ZC3H12B: variants seen among roughly 807,000 people sequenced by gnomAD.
ZC3H12B encodes zinc finger CCCH-type containing 12B.
Under a neutral mutation model 43.9 loss-of-function variants are expected in ZC3H12B, and 7 were observed. That is an observed-to-expected ratio of 0.16 (90% confidence interval 0.09 to 0.30). The LOEUF is 0.30. ZC3H12B is among the 10% of genes least tolerant of loss of function. The pLI, the probability that ZC3H12B is intolerant of heterozygous loss-of-function variation, is 1.00. For missense variants in ZC3H12B, 475 were observed against 670.2 expected (o/e 0.71, Z 3.22); for synonymous variants, 222 against 241.7 (o/e 0.92, Z 0.76).
At chrX:65,211,963 T>C in the ZC3H12B span, among the ~76,000 whole-genome samples, 2 of 71,276 alleles carry the variant, frequency 2.8e-5, no homozygotes, top group Non-Finnish European at 4.7e-5. Context: ...ATATATAATA[T>C]ATGTTATGTA....
At position 65,456,315 on chromosome X, in the gene ZC3H12B, C is replaced by G. The variant is rs1455652696; in HGVS notation, n.408-32331C>G. On this transcript the variant is annotated intron_variant and non_coding_transcript_variant, in intron 3 of 5. Coordinates refer to the ZC3H12B transcript ENST00000617377. ...AAGCAAATGGAAAACAAAAAAAAGG[C>G]AGGGGTTGCAATCCTAGTCTGATAA... is the stretch of plus-strand genomic sequence containing the variant. Among the ~76,000 whole-genome samples the G allele has an allele frequency of 3.7e-5, 4 of 109,432 alleles. No homozygotes were observed. In the South Asian group the frequency reaches 1.6e-3, roughly 44 times the overall value.
At chrX:65,055,098 G>A in the ZC3H12B span, among the ~76,000 whole-genome samples, 1 of 110,634 alleles carries the variant, frequency 9.0e-6, no homozygotes, top group Non-Finnish European at 1.9e-5. Flanking sequence ...GCCTGATTGC[G>A]CTGGCCAGAA....
At chrX:65,085,149 A>G in the ZC3H12B span, among the ~76,000 whole-genome samples, 15 of 111,467 alleles carry the variant, frequency 1.3e-4, no homozygotes. Flanking sequence ...GAGATGAGTG[A>G]TGGATACAAA....
chrX:65,385,958 C>T (rs945786269), intron 2 of ZC3H12B, among the ~76,000 whole-genome samples: 6 of 112,012 alleles, frequency 5.4e-5, no homozygotes, highest in Admixed American at 3.8e-4. Context: ...TATTGATTTG[C>T]GTATGTTGAA....
rs781370409 is a variant in ZC3H12B, at chrX:65,471,445, A to ATT, written n.408-17179_408-17178dup. ...TGAAACAGTAGATATTTGGTTTGTGATTTTTTTTTTTTTTTTTTTTTTTGA... is the reference window on the plus strand; with the variant it reads ...TGAAACAGTAGATATTTGGTTTGTGATTTTTTTTTTTTTTTTTTTTTTTTTGA... On this transcript the variant is annotated intron_variant and non_coding_transcript_variant, in intron 3 of 5. Coordinates refer to the ZC3H12B transcript ENST00000617377. Among the ~76,000 whole-genome samples, 172 of 61,006 alleles carry ATT rather than the reference A, an allele frequency of 2.8e-3. 1 individual carries two copies. The highest frequency in any genetic ancestry group is 4.3e-3 in the Non-Finnish European group (144 of 33,585). The allele number at this position is 61,006 out of a possible 115,157, so 53.0% of individuals were successfully genotyped here.
chrX:65,155,351 G>A, the ZC3H12B span, among the ~76,000 whole-genome samples: 2 of 109,973 alleles, frequency 1.8e-5, no homozygotes, highest in African/African-American at 3.3e-5. Flanking sequence ...GTTTATCCCC[G>A]TGCTTTGATC....
the ZC3H12B span, among the ~76,000 whole-genome samples, chrX:65,321,567 A>G: frequency 8.1e-5 from 9 of 111,219 alleles, no homozygotes; most frequent in African/African-American, 1.3e-4. Flanking sequence ...CCCCCAAAAT[A>G]TAAATAATTC....
chrX:65,481,156 C>T (rs2068059085), intron 3 of ZC3H12B, among the ~76,000 whole-genome samples: 1 of 111,273 alleles, frequency 9.0e-6, no homozygotes, highest in Non-Finnish European at 1.9e-5. Context: ...GCGATACCAT[C>T]TGCCTAGTAT....
the ZC3H12B span, among the ~76,000 whole-genome samples, chrX:65,148,346 G>A: frequency 2.7e-5 from 3 of 111,498 alleles, no homozygotes; most frequent in African/African-American, 9.8e-5. Flanking sequence ...CTGGTGGCTG[G>A]GTTCATGGAG....
the ZC3H12B span, among the ~76,000 whole-genome samples, chrX:65,204,663 G>A: frequency 1.8e-5 from 2 of 111,909 alleles, no homozygotes; most frequent in Admixed American, 9.5e-5. Context: ...TATTTACAAA[G>A]TGGTAGCCTT....
the ZC3H12B span, among the ~76,000 whole-genome samples, chrX:65,184,863 C>T: frequency 9.0e-6 from 1 of 111,535 alleles, no homozygotes; most frequent in Non-Finnish European, 1.9e-5. Context: ...TTATGTTCTA[C>T]TTTGTTTTTA....
the ZC3H12B span, among the ~76,000 whole-genome samples, chrX:65,074,231 A>C: frequency 1.8e-5 from 2 of 110,417 alleles, no homozygotes; most frequent in Non-Finnish European, 3.8e-5. Context: ...TTCTATTTAG[A>C]AAGACAGTTT....
At chrX:65,185,870 T>C in the ZC3H12B span, 13 of 111,774 alleles carry the variant, frequency 1.2e-4, no homozygotes, top group Admixed American at 7.7e-4. Flanking sequence ...ATAGCTTATT[T>C]ACTGATGTGT....
upstream of ZC3H12B, among the ~76,000 whole-genome samples, chrX:65,363,314 G>A (rs1464874852): frequency 9.0e-6 from 1 of 110,833 alleles, no homozygotes; most frequent in Admixed American, 9.6e-5. Flanking sequence ...ACCTACCTCG[G>A]CATAATTCTT....
chrX:65,144,778 G>A, the ZC3H12B span, among the ~76,000 whole-genome samples: 6 of 111,411 alleles, frequency 5.4e-5, no homozygotes, highest in African/African-American at 1.3e-4. Flanking sequence ...TATTTGTATG[G>A]TTTTGGAGGT....
At chrX:65,428,427 A>G (rs941887737) in intron 3 of ZC3H12B, among the ~76,000 whole-genome samples, 1 of 111,707 alleles carries the variant, frequency 9.0e-6, no homozygotes, top group Non-Finnish European at 1.9e-5. Context: ...ACATAATCCC[A>G]TATTTCTTGG....
the ZC3H12B span, among the ~76,000 whole-genome samples, chrX:65,135,527 G>T: frequency 2.9e-5 from 3 of 104,045 alleles, no homozygotes; most frequent in Non-Finnish European, 5.7e-5. Flanking sequence ...TATTATAATG[G>T]ATATATTTGA....
chrX:65,242,291 G>A, the ZC3H12B span, among the ~76,000 whole-genome samples: 2 of 111,663 alleles, frequency 1.8e-5, no homozygotes, highest in African/African-American at 6.5e-5. Flanking sequence ...GACGGCAATT[G>A]CTTCTAATTT....
the ZC3H12B span, among the ~76,000 whole-genome samples, chrX:65,166,087 G>T: frequency 9.1e-6 from 1 of 110,380 alleles, no homozygotes. Flanking sequence ...GGGTACATGT[G>T]CACAATGCGC....
Sources: allele counts gnomAD v4.1 joint callset (sites outside exome capture counted in the v4.1 genomes callset), GRCh38; gene constraint gnomAD v4.1.1; transcripts MANE v1.5; gene names NCBI Gene and HGNC (gene_info 2026-07-23, HGNC 2026-07-21).